The following TPR variants were observed in gnomAD, a reference collection of about 807,000 sequenced individuals.
TPR encodes nucleoprotein TPR.
In TPR, 51 loss-of-function variants were observed where a neutral mutation model predicts 316.1. The ratio of observed to expected loss-of-function variants is 0.16; its 90% CI spans 0.13 to 0.20. The LOEUF (loss-of-function observed/expected upper bound fraction) is 0.20, where lower values mean the gene tolerates loss of function less well. Among genes scored for constraint, TPR ranks in the 10% least tolerant of loss-of-function variants. The pLI, the probability that TPR is intolerant of heterozygous loss-of-function variation, is 1.00. For missense variants in TPR, 2,272 were observed against 2,754.8 expected, an observed-to-expected ratio of 0.82 and a Z score of 3.92; for synonymous variants, 981 against 914.7, an observed-to-expected ratio of 1.07 and a Z score of -1.31.
chr1:186,344,080 G>T lies in TPR; in HGVS notation c.3428C>A (p.Ser1143Tyr). 1 of 1,612,576 alleles carries T rather than the reference G, an allele frequency of 6.2e-7. No homozygotes were observed. The highest frequency in any genetic ancestry group is 8.5e-7 in the Non-Finnish European group (1 of 1,179,498). Reference protein sequence around the residue: ...ERERMLKDEVSKCVCRCEDLE... With the variant: ...ERERMLKDEVYKCVCRCEDLE... Reference sequence around the variant, plus strand: ...ATCTTCACAGCGACATACACATTTGGAAACTTCATCCTGCAAGCCAAGAGT... The same window carrying T: ...ATCTTCACAGCGACATACACATTTGTAAACTTCATCCTGCAAGCCAAGAGT... Residue 1143 changes from serine (S) to tyrosine (Y), a missense_variant, in exon 26 of 51, where the codon TCC becomes TAC. Transcript: ENST00000367478.
intron 15 of TPR, among the ~76,000 whole-genome samples, chr1:186,355,989 T>C (rs1659016761): frequency 6.6e-6 from 1 of 152,204 alleles, no homozygotes; most frequent in Admixed American, 6.5e-5. Context: ...GGTTAAAACA[T>C]AATCCATATT....
chr1:186,360,335 C>T lies in TPR; in HGVS notation c.1129G>A (p.Ala377Thr), dbSNP rs921709594. Residue 377 changes from alanine to threonine, a missense_variant, in exon 11 of 51, where the codon GCC becomes ACC. By Grantham distance (58) the Ala-to-Thr change is moderately conservative. This residue lies in a region of TPR where 549 missense variants were observed against 598.6 expected (regional missense o/e 0.92). Transcript: ENST00000367478. ...GAILSEEELAAMSPTAAAVAK... is the reference protein window; with the variant it reads ...GAILSEEELATMSPTAAAVAK... The stretch of plus-strand genomic sequence containing the variant: ...ACAGCTGCTGCAGTAGGAGACATGG[C>T]GGCAAGCTCTTCTTCAGACAATATG... 2.1e-5 allele frequency: 34 copies of T among 1,613,226 alleles called. No individual in the cohort carries two copies. The highest frequency in any genetic ancestry group is 1.6e-4 in the Middle Eastern group (1 of 6,082).
Position 186,335,485 on chromosome 1 carries a change from T to C in TPR, c.4764A>G (p.Leu1588=), listed in dbSNP as rs1558003266. Residue 1588 remains leucine, a synonymous_variant, in exon 34 of 51, where the codon TTA becomes TTG. Transcript: ENST00000367478. ...CATCCAATTCATCTTTCTGCTGATC[T>C]AAGGCTCCATTCCTTTGTTTAAGCT... The part of the protein sequence containing the change: ...NEELKQRNGA[L]DQQKDELDVR... 6.2e-7 allele frequency: 1 copy of C among 1,613,566 alleles called. No individual in the cohort carries two copies. The highest frequency in any genetic ancestry group is 2.2e-5 in the East Asian group (1 of 44,866).
At chr1:186,316,651 T>G (rs1374032802) in intron 49 of TPR, among the ~76,000 whole-genome samples, 1 of 152,156 alleles carries the variant, frequency 6.6e-6, no homozygotes, top group Non-Finnish European at 1.5e-5. Context: ...TGTTCAAGAG[T>G]GGGGTCTCTG....
intron 39 of TPR, among the ~76,000 whole-genome samples, chr1:186,329,909 T>A (rs1029874110): frequency 2.6e-5 from 4 of 152,162 alleles, no homozygotes; most frequent in African/African-American, 9.7e-5. Flanking sequence ...TTAGGACAGT[T>A]GAAAACTACA....
In TPR at chr1:186,318,742, C is replaced by G; in HGVS notation, c.6655G>C (p.Ala2219Pro). 6.2e-7 allele frequency: 1 copy of G among 1,614,170 alleles called. No individual in the cohort carries two copies. Among genetic ancestry groups the G allele is most frequent in the Non-Finnish European group, 8.5e-7 (1 of 1,180,036 alleles). ...RSVPTTPLQV[A>P]APVTVFTEST... is the part of the protein sequence containing the mutation. ...TGCCTTTGATCCCTACCTGGGGCTG[C>G]TACTTGTAGTGGAGTAGTGGGAACA... Residue 2219 changes from alanine to proline, a missense_variant, in exon 47 of 51, where the codon GCA becomes CCA. Physicochemically the swap from Ala to Pro is conservative, Grantham distance 27 (BLOSUM62 -1). This residue lies in a region of TPR where 88 missense variants were observed against 176.2 expected (regional missense o/e 0.50). Transcript: ENST00000367478.
chr1:186,374,784 G>A (rs1659657355), intron 1 of TPR, 94 bp downstream of exon 1: 2 of 1,339,920 alleles, frequency 1.5e-6, no homozygotes, highest in South Asian at 1.4e-5. Context: ...GAGGTTAACA[G>A]AGCGGTACCC....
intron 46 of TPR, among the ~76,000 whole-genome samples, chr1:186,319,079 C>CT (rs1657696552): frequency 6.6e-6 from 1 of 152,172 alleles, no homozygotes; most frequent in African/African-American, 2.4e-5. Flanking sequence ...TAGCCTCAAA[C>CT]TCCTGGGCTC....
At chr1:186,350,095 T>A in intron 21 of TPR, 128 bp downstream of exon 21, 1 of 929,700 alleles carries the variant, frequency 1.1e-6, no homozygotes, top group Non-Finnish European at 1.5e-6. Flanking sequence ...AAAAGTTGGG[T>A]TTTTTTTTGT....
At position 186,313,974 on chromosome 1, in the gene TPR, A is replaced by G. The variant is rs1453672611; in HGVS notation, c.7089T>C (p.Asn2363=). 6 of 1,611,624 alleles carry G rather than the reference A, an allele frequency of 3.7e-6. No homozygotes were observed. The highest frequency in any genetic ancestry group is 2.7e-5 in the African/African-American group (2 of 74,896). Residue 2363 remains asparagine (N), a synonymous_variant, in exon 51 of 51, where the codon AAT becomes AAC. Coordinates refer to ENST00000367478, the MANE Select transcript of TPR (RefSeq NM_003292.3). ...GRGGINRGNI[N] is the part of the protein sequence containing the mutation. ...GTTGTTATTGTTTACAGACCATTTA[A>G]TTAATATTTCCTCTGTTTATTCCTC...
intron 45 of TPR, among the ~76,000 whole-genome samples, chr1:186,322,093 T>C (rs191521671): frequency 1.1e-3 from 162 of 152,342 alleles, no homozygotes; most frequent in East Asian, 6.6e-3. Flanking sequence ...AACATTCTTA[T>C]ATTGTCTTTA....
Position 186,341,293 on chromosome 1 carries a change from T to C in TPR, c.3847A>G (p.Lys1283Glu). Residue 1283 changes from lysine (K) to glutamate (E), a missense_variant, in exon 28 of 51, where the codon AAG becomes GAG. Physicochemically the swap from Lys to Glu is moderately conservative, Grantham distance 56. Coordinates refer to ENST00000367478, the MANE Select transcript of TPR (RefSeq NM_003292.3). Reference protein sequence around the residue: ...METNKMLREEKERLEQDLQQM... With the variant: ...METNKMLREEEERLEQDLQQM... Reference sequence around the variant, plus strand: ...TGTAGATCCTGTTCTAGTCTCTCCTTCTCTTCTCTTAGCATTTTATTGGTC... The same window carrying C: ...TGTAGATCCTGTTCTAGTCTCTCCTCCTCTTCTCTTAGCATTTTATTGGTC... The C allele has an allele frequency of 6.2e-7, 1 of 1,614,038 alleles. No individual in the cohort carries two copies. The highest frequency in any genetic ancestry group is 8.5e-7 in the Non-Finnish European group (1 of 1,180,000).
In TPR at chr1:186,333,196, G is replaced by A. The variant is rs375412833; in HGVS notation, c.5381C>T (p.Ser1794Phe). ...CTGAACAACCTCTACTATGTTTGAA[G>A]ATAACTCTTGATTGGCAGGCTCAAT... ...PQIEPANQELSSNIVEVVQSS... is the reference protein window; with the variant it reads ...PQIEPANQELFSNIVEVVQSS... Residue 1794 changes from serine to phenylalanine, a missense_variant, in exon 37 of 51, where the codon TCT (serine) becomes TTT (phenylalanine). Ser to Phe is a radical substitution (Grantham distance 155). Coordinates refer to ENST00000367478, the MANE Select transcript of TPR (RefSeq NM_003292.3). The A allele has an allele frequency of 1.9e-6, 3 of 1,613,510 alleles. No homozygotes were observed. In the African/African-American group the frequency reaches 4.0e-5, roughly 22 times the overall value.
intron 17 of TPR, 115 bp downstream of exon 17, chr1:186,355,295 G>A (rs1658991200): frequency 1.8e-6 from 2 of 1,092,198 alleles, no homozygotes; most frequent in South Asian, 2.9e-5. Context: ...TCTCATTCTG[G>A]AACACAGTTC....
Position 186,352,802 on chromosome 1 carries a change from C to T in TPR, c.2335-692G>A, listed in dbSNP as rs563380203. Among the ~76,000 whole-genome samples the T allele has an allele frequency of 7.2e-5, 11 of 152,088 alleles. 1 individual carries two copies. The South Asian group carries it at 2.1e-3, about 29-fold the overall frequency. On this transcript the variant is annotated intron_variant, in intron 18 of 50. Coordinates refer to ENST00000367478, the MANE Select transcript of TPR (RefSeq NM_003292.3). ...TAACCAACCCATCTCTCATGACTGT[C>T]CCAAAATAGGCAAATTATACATTAG...
At chr1:186,333,539 T>C in intron 36 of TPR, 145 bp from the exon 37 acceptor site, 7 of 935,048 alleles carry the variant, frequency 7.5e-6, no homozygotes, top group Non-Finnish European at 1.1e-5. Context: ...TAATGTATTA[T>C]GCATTTTTAT....
chr1:186,364,370 T>C (rs1659275016), intron 4 of TPR, among the ~76,000 whole-genome samples: 1 of 151,358 alleles, frequency 6.6e-6, no homozygotes, highest in African/African-American at 2.4e-5. Context: ...ATCCAGTATA[T>C]GGACCGTTGT....
At position 186,344,661 on chromosome 1, in the gene TPR, A is replaced by G. The variant is rs1658623417; in HGVS notation, c.3214-83T>C. 3.8e-6 allele frequency: 4 copies of G among 1,048,174 alleles called. No homozygotes were observed. The Middle Eastern group carries it at 6.7e-4, about 175-fold the overall frequency. The allele number at this position is 1,048,174 out of a possible 1,614,324, so 64.9% of individuals were successfully genotyped here. A position where few individuals can be genotyped will look rare whatever the true frequency, so the allele number is the denominator to read the frequency against. ...GCACTTGTCCAAAGATACACATTGG[A>G]CTTTTTAAATAATAAAAGTAAAGAC... On this transcript the variant is annotated intron_variant, in intron 24 of 50. Transcript: ENST00000367478.
chr1:186,336,239 CAGA>C (rs1202244884), intron 33 of TPR, among the ~76,000 whole-genome samples: 4 of 152,104 alleles, frequency 2.6e-5, no homozygotes, highest in African/African-American at 9.7e-5. Context: ...TCCATGAAAG[CAGA>C]AGGATAGCAG....
Sources: gnomAD v4.1 joint callset for allele counts (sites outside exome capture counted in the v4.1 genomes callset) on GRCh38, gnomAD v4.1.1 for gene constraint, gnomAD v4.1.1 regional missense constraint, MANE v1.5 for transcripts, NCBI Gene and HGNC (gene_info 2026-07-23, HGNC 2026-07-21) for gene names.